The following CTNNA2 variants were observed in gnomAD, a reference collection of about 807,000 sequenced individuals.
CTNNA2 encodes catenin alpha 2, also known as catenin alpha-2.
Under a neutral mutation model 101.0 loss-of-function variants are expected in CTNNA2, and 42 were observed. The observed-to-expected ratio is 0.42, with a 90% confidence interval of 0.32 to 0.54. CTNNA2 has a LOEUF of 0.54. Ranked by LOEUF, CTNNA2 falls within the 20% of genes least tolerant of loss-of-function variation. The probability of loss-of-function intolerance (pLI) is 0.14; values close to 1 mark genes in which losing one functional copy is unlikely to be tolerated. For missense variants in CTNNA2, 871 were observed against 1,223.1 expected (o/e 0.71, Z 4.29); for synonymous variants, 450 against 456.4 (o/e 0.99, Z 0.18).
chr2:80,547,261 TTGA>T (rs1437172782), intron 11 of CTNNA2, among the ~76,000 whole-genome samples: 2 of 152,180 alleles, frequency 1.3e-5, no homozygotes, highest in Non-Finnish European at 2.9e-5. Flanking sequence ...GATGGGAACA[TTGA>T]TGTAACATGC....
At chr2:79,698,104 T>G (rs894757558) in intron 2 of CTNNA2, among the ~76,000 whole-genome samples, 30 of 152,140 alleles carry the variant, frequency 2.0e-4, no homozygotes, top group Non-Finnish European at 5.9e-5. Context: ...TGTGCTGTGA[T>G]AACATATATG....
At chr2:79,699,460 C>A (rs1684848027) in intron 2 of CTNNA2, among the ~76,000 whole-genome samples, 1 of 151,812 alleles carries the variant, frequency 6.6e-6, no homozygotes, top group African/African-American at 2.4e-5. Flanking sequence ...TTATTATAAA[C>A]AATATTATGG....
At position 79,874,354 on chromosome 2, in the gene CTNNA2, G is replaced by A. The variant is rs1313654231; in HGVS notation, c.852+12G>A. The A allele has an allele frequency of 6.2e-7, 1 of 1,612,764 alleles. No individual in the cohort carries two copies. The highest frequency in any genetic ancestry group is 8.5e-7 in the Non-Finnish European group (1 of 1,179,454). ...TTAATGAGTTTGACGTAAGCATCCT[G>A]GTGAGGTACACAGAGGGGTGGGCAC... On this transcript the variant is annotated intron_variant, in intron 6 of 18. Coordinates refer to ENST00000402739, the MANE Select transcript of CTNNA2 (RefSeq NM_001282597.3).
intron 4 of CTNNA2, among the ~76,000 whole-genome samples, chr2:79,416,822 A>G (rs147137008): frequency 6.6e-6 from 1 of 152,186 alleles, no homozygotes; most frequent in Non-Finnish European, 1.5e-5. Flanking sequence ...ATTCCTCTTT[A>G]TCCCACAGAA....
chr2:79,349,369 T>C (rs956205515), intron 3 of CTNNA2, among the ~76,000 whole-genome samples: 32 of 152,228 alleles, frequency 2.1e-4, no homozygotes, highest in African/African-American at 7.7e-4. Context: ...GTTTACTAAA[T>C]ATATTTTTCT....
At chr2:80,166,489 G>A (rs1704704239) in intron 7 of CTNNA2, among the ~76,000 whole-genome samples, 1 of 152,120 alleles carries the variant, frequency 6.6e-6, no homozygotes, top group African/African-American at 2.4e-5. Flanking sequence ...TGTTTGGAAA[G>A]GGCATGGAAG....
intron 3 of CTNNA2, among the ~76,000 whole-genome samples, chr2:79,762,897 G>A (rs986911142): frequency 2.0e-5 from 3 of 152,040 alleles, no homozygotes; most frequent in African/African-American, 4.8e-5. Flanking sequence ...TTTTGATTTC[G>A]AATGAGTATC....
intron 4 of CTNNA2, among the ~76,000 whole-genome samples, chr2:79,438,816 G>A (rs1158355479): frequency 6.6e-6 from 1 of 152,204 alleles, no homozygotes; most frequent in Non-Finnish European, 1.5e-5. Flanking sequence ...TACCTGAAAA[G>A]ATGCTCAGTA....
chr2:79,535,587 G>T (rs1005911851), intron 1 of CTNNA2, among the ~76,000 whole-genome samples: 1 of 152,024 alleles, frequency 6.6e-6, no homozygotes, highest in Non-Finnish European at 1.5e-5. Flanking sequence ...AAAAAATTAT[G>T]CCCTTCAAAA....
chr2:79,219,594 A>C (rs2104218241), intron 2 of CTNNA2, among the ~76,000 whole-genome samples: 1 of 152,288 alleles, frequency 6.6e-6, no homozygotes, highest in South Asian at 2.1e-4. Flanking sequence ...GGCCTGTTAG[A>C]ATATGGCCTC....
chr2:79,929,823 G>T (rs1268143173), intron 7 of CTNNA2, among the ~76,000 whole-genome samples: 1 of 152,166 alleles, frequency 6.6e-6, no homozygotes, highest in Non-Finnish European at 1.5e-5. Context: ...TTATTCATCA[G>T]TTCTTGACGG....
intron 7 of CTNNA2, among the ~76,000 whole-genome samples, chr2:80,168,577 A>C (rs12474411): frequency 0.27 from 40,287 of 151,950 alleles, 7,985 homozygotes; most frequent in African/African-American, 0.55. Flanking sequence ...AGTTTCACAG[A>C]CACATACATG....
chr2:79,748,381 G>A (rs1351536593), intron 3 of CTNNA2, among the ~76,000 whole-genome samples: 1 of 152,104 alleles, frequency 6.6e-6, no homozygotes, highest in Non-Finnish European at 1.5e-5. Flanking sequence ...CAGAAATTAT[G>A]GACACACTGA....
At chr2:79,827,761 G>A (rs1478360177) in intron 3 of CTNNA2, among the ~76,000 whole-genome samples, 1 of 152,042 alleles carries the variant, frequency 6.6e-6, no homozygotes, top group Admixed American at 6.6e-5. Flanking sequence ...ACTTAACAGA[G>A]GCAAAGGAAT....
At chr2:80,194,738 T>G (rs1051012255) in intron 7 of CTNNA2, among the ~76,000 whole-genome samples, 2 of 149,712 alleles carry the variant, frequency 1.3e-5, no homozygotes, top group Non-Finnish European at 3.0e-5. Context: ...CTTATTAATA[T>G]TAATTATATA....
In CTNNA2 at chr2:80,647,714, C is replaced by T; in HGVS notation, c.2704C>T (p.Pro902Ser). The part of the protein sequence containing the change: ...KVYGTAAVNS[P>S]VVSWKMKAPE... Reference sequence around the variant, plus strand: ...CTATGGGACAGCAGCTGTCAACTCACCTGTTGTGTCTTGGAAGATGAAGGC... The same window carrying T: ...CTATGGGACAGCAGCTGTCAACTCATCTGTTGTGTCTTGGAAGATGAAGGC... The change falls in exon 19 of 19, where the codon CCT (proline) becomes TCT (serine). Residue 902 changes from proline to serine, a missense_variant. Coordinates refer to ENST00000402739, the MANE Select transcript of CTNNA2 (RefSeq NM_001282597.3). The T allele has an allele frequency of 6.2e-7, 1 of 1,613,480 alleles. No individual in the cohort carries two copies. Among genetic ancestry groups the T allele is most frequent in the Non-Finnish European group, 8.5e-7 (1 of 1,179,560 alleles).
In CTNNA2 at chr2:79,655,119, C is replaced by G. The variant is rs1681520315; in HGVS notation, c.102+3461C>G. On this transcript the variant is annotated intron_variant, in intron 2 of 18. Transcript: ENST00000402739. ...TTCATCACAGATAGCTTGAGAAAGA[C>G]TGGCTTAGGAGATATGTTGGAGTCA... 1.3e-5 allele frequency among the ~76,000 whole-genome samples: 2 copies of G among 152,150 alleles called. 1 individual carries two copies. The highest frequency in any genetic ancestry group is 3.8e-4 in the East Asian group (2 of 5,200).
chr2:79,382,050 T>C (rs1678045556), intron 4 of CTNNA2, among the ~76,000 whole-genome samples: 2 of 152,186 alleles, frequency 1.3e-5, no homozygotes, highest in Non-Finnish European at 2.9e-5. Flanking sequence ...GTAGACTGAG[T>C]AAAGAACATT....
In CTNNA2 at chr2:80,619,228, G is replaced by GGCT; in HGVS notation, c.2574+1_2574+2insCTG. 1 of 1,554,462 alleles carries GGCT rather than the reference G, an allele frequency of 6.4e-7. No individual in the cohort carries two copies. The highest frequency in any genetic ancestry group is 8.7e-7 in the Non-Finnish European group (1 of 1,151,140). ...GGAGTGGAAGCAGTGATTCCTCCAT[G>GGCT]GTGAGTAAATTGACTTTCTAATCTA... On this transcript the variant is annotated inframe_insertion and splice_region_variant. Coordinates refer to ENST00000402739, the MANE Select transcript of CTNNA2 (RefSeq NM_001282597.3).
Sources: gnomAD v4.1 joint callset for allele counts (sites outside exome capture counted in the v4.1 genomes callset) on GRCh38, gnomAD v4.1.1 for gene constraint, MANE v1.5 for transcripts, NCBI Gene and HGNC (gene_info 2026-07-23, HGNC 2026-07-21) for gene names.